Variants in SCAPER observed in about 807,000 individuals in gnomAD.
The protein encoded by SCAPER is S phase cyclin A-associated protein in the endoplasmic reticulum.
Under a neutral mutation model 182.2 loss-of-function variants are expected in SCAPER, and 98 were observed. The ratio of observed to expected loss-of-function variants is 0.54; its 90% CI spans 0.46 to 0.64. The LOEUF (loss-of-function observed/expected upper bound fraction) is 0.64, where lower values mean the gene tolerates loss of function less well. Ranked by LOEUF, SCAPER falls within the 30% of genes least tolerant of loss-of-function variation. The probability of loss-of-function intolerance (pLI) is 0.00; values close to 1 mark genes in which losing one functional copy is unlikely to be tolerated. For synonymous variants in SCAPER, 605 were observed against 564.6 expected, an observed-to-expected ratio of 1.07 and a Z score of -1.01; for missense variants, 1,432 against 1,690.0, an observed-to-expected ratio of 0.85 and a Z score of 2.68.
intron 17 of SCAPER, among the ~76,000 whole-genome samples, chr15:76,710,423 TA>T (rs1264323556): frequency 6.6e-6 from 1 of 152,114 alleles, no homozygotes. Flanking sequence ...TAAGAAAGTT[TA>T]ACAAGGTCAT....
intron 25 of SCAPER, among the ~76,000 whole-genome samples, chr15:76,465,522 T>C (rs1031575757): frequency 3.3e-5 from 5 of 152,178 alleles, no homozygotes; most frequent in Non-Finnish European, 5.9e-5. Context: ...ATTCTGTACA[T>C]TGCCTTTCTG....
At chr15:76,677,484 A>G (rs1461003192) in intron 20 of SCAPER, among the ~76,000 whole-genome samples, 1 of 151,954 alleles carries the variant, frequency 6.6e-6, no homozygotes, top group Admixed American at 6.6e-5. Flanking sequence ...TAGATAATAA[A>G]TTATAAAGTC....
intron 21 of SCAPER, among the ~76,000 whole-genome samples, chr15:76,622,880 C>T (rs1237516464): frequency 2.6e-5 from 4 of 152,150 alleles, no homozygotes; most frequent in African/African-American, 4.8e-5. Context: ...TGTTGGAAGT[C>T]GGGCCCAATG....
intron 21 of SCAPER, among the ~76,000 whole-genome samples, chr15:76,661,244 A>G (rs983953649): frequency 3.3e-5 from 5 of 152,204 alleles, no homozygotes; most frequent in Admixed American, 1.3e-4. Context: ...AAATAGAGGC[A>G]GTACCTTTCA....
At chr15:76,871,909 G>A (rs1202082183) in intron 2 of SCAPER, among the ~76,000 whole-genome samples, 1 of 151,850 alleles carries the variant, frequency 6.6e-6, no homozygotes, top group Non-Finnish European at 1.5e-5. Context: ...ATTTTTATGA[G>A]CAAAATATTG....
chr15:76,840,350 G>T (rs1045679032), intron 5 of SCAPER, among the ~76,000 whole-genome samples: 3 of 151,294 alleles, frequency 2.0e-5, no homozygotes, highest in African/African-American at 4.9e-5. Context: ...AGCCCAGAAG[G>T]TCAAGGCTTC....
intron 23 of SCAPER, among the ~76,000 whole-genome samples, chr15:76,559,413 G>T (rs1000312634): frequency 6.6e-6 from 1 of 151,822 alleles, no homozygotes; most frequent in African/African-American, 2.4e-5. Context: ...TCTCCTTCCT[G>T]TCGCCTTGTA....
At chr15:76,889,419 A>G (rs1568414850) in intron 1 of SCAPER, among the ~76,000 whole-genome samples, 1 of 152,228 alleles carries the variant, frequency 6.6e-6, no homozygotes, top group Non-Finnish European at 1.5e-5. Flanking sequence ...TGCTGTATTC[A>G]GGAGACCCAT....
In SCAPER at chr15:76,471,801, C is replaced by T. The variant is rs577074842; in HGVS notation, c.2955-466G>A. On this transcript the variant is annotated intron_variant, in intron 24 of 31. Transcript: ENST00000563290. ...GAGGCTCTCCATGTAAGATAAGACC[C>T]CGGAGTTCTAGGGAGTCGACATCAC... Among the ~76,000 whole-genome samples the T allele has an allele frequency of 6.6e-5, 10 of 152,202 alleles. No homozygotes were observed. In the East Asian group the frequency reaches 1.2e-3, roughly 18 times the overall value.
intron 17 of SCAPER, among the ~76,000 whole-genome samples, chr15:76,725,173 T>C (rs1598387154): frequency 6.6e-6 from 1 of 151,930 alleles, no homozygotes; most frequent in Admixed American, 6.6e-5. Flanking sequence ...AAATAGTAAC[T>C]AAAAAATATC....
At chr15:76,698,236 G>A (rs1487539220) in intron 20 of SCAPER, among the ~76,000 whole-genome samples, 2 of 151,144 alleles carry the variant, frequency 1.3e-5, no homozygotes, top group Admixed American at 6.7e-5. Flanking sequence ...TAGAATTTAC[G>A]AAGGTGAAAT....
chr15:76,791,591 C>T (rs1598753981), intron 8 of SCAPER, among the ~76,000 whole-genome samples: 1 of 151,884 alleles, frequency 6.6e-6, no homozygotes, highest in East Asian at 1.9e-4. Flanking sequence ...TGGGAAAGTA[C>T]TGCAGGGAAT....
chr15:76,395,366 C>A (rs1427003371), intron 27 of SCAPER, among the ~76,000 whole-genome samples: 1 of 152,152 alleles, frequency 6.6e-6, no homozygotes, highest in Non-Finnish European at 1.5e-5. Context: ...ATATACCCAG[C>A]AGTGGGATTG....
intron 25 of SCAPER, among the ~76,000 whole-genome samples, chr15:76,462,206 A>G (rs1215638788): frequency 6.6e-6 from 1 of 152,210 alleles, no homozygotes; most frequent in Non-Finnish European, 1.5e-5. Context: ...CCATACAACC[A>G]GGAAACTTAC....
chr15:76,376,118 C>G (rs1159195376), intron 29 of SCAPER, 44 bp downstream of exon 29: 1 of 1,606,162 alleles, frequency 6.2e-7, no homozygotes, highest in Non-Finnish European at 8.5e-7. Flanking sequence ...CTCACACTCT[C>G]AGCACTGGGG....
At chr15:76,395,707 T>C (rs1212799523) in intron 27 of SCAPER, among the ~76,000 whole-genome samples, 1 of 152,192 alleles carries the variant, frequency 6.6e-6, no homozygotes, top group Non-Finnish European at 1.5e-5. Context: ...TTAGAGTTTT[T>C]CCTATAGAGT....
chr15:76,628,621 A>G (rs1035309308), intron 21 of SCAPER, among the ~76,000 whole-genome samples: 6 of 152,046 alleles, frequency 3.9e-5, no homozygotes, highest in African/African-American at 1.4e-4. Context: ...ATTCTGTTCC[A>G]TTGGTCTAGG....
chr15:76,620,026 A>G (rs1330765947), intron 22 of SCAPER, among the ~76,000 whole-genome samples: 5 of 152,226 alleles, frequency 3.3e-5, no homozygotes, highest in Admixed American at 3.3e-4. Flanking sequence ...CAGTGAGCCT[A>G]GATCATGCCA....
At chr15:76,422,952 G>C (rs1259205540) in intron 26 of SCAPER, among the ~76,000 whole-genome samples, 3 of 152,166 alleles carry the variant, frequency 2.0e-5, no homozygotes, top group Non-Finnish European at 2.9e-5. Context: ...AACCAGCCTT[G>C]CATCCCAGGG....
Sources: gnomAD v4.1 joint callset for allele counts (sites outside exome capture counted in the v4.1 genomes callset) on GRCh38, gnomAD v4.1.1 for gene constraint, MANE v1.5 for transcripts, NCBI Gene and HGNC (gene_info 2026-07-23, HGNC 2026-07-21) for gene names.